SRBD1: variants seen among roughly 807,000 people sequenced by gnomAD.
SRBD1 encodes S1 RNA-binding domain-containing protein 1.
A neutral mutation model predicts 115.3 loss-of-function variants in SRBD1; 88 were observed. The observed-to-expected ratio is 0.76, with a 90% CI of 0.64 to 0.91. SRBD1 has a LOEUF of 0.91. Among genes scored for constraint, SRBD1 ranks in the 40% least tolerant of loss-of-function variants. The pLI, the probability that SRBD1 is intolerant of heterozygous loss-of-function variation, is 0.00. For synonymous variants in SRBD1, 509 were observed against 407.7 expected, an observed-to-expected ratio of 1.25 and a Z score of -2.99; for missense variants, 1,385 against 1,177.4, an observed-to-expected ratio of 1.18 and a Z score of -2.58.
intron 16 of SRBD1, among the ~76,000 whole-genome samples, chr2:45,434,287 C>G (rs193219052): frequency 6.6e-6 from 1 of 152,156 alleles, no homozygotes; most frequent in Non-Finnish European, 1.5e-5. Flanking sequence ...TGGACCTTCT[C>G]GGGTATCAAA....
chr2:45,608,233 A>G (rs570338973), intron 1 of SRBD1, among the ~76,000 whole-genome samples: 74 of 152,332 alleles, frequency 4.9e-4, no homozygotes, highest in East Asian at 9.6e-4. Flanking sequence ...GGCACCCCGA[A>G]AGCAATATAC....
At chr2:45,414,986 A>G (rs1348909406) in intron 18 of SRBD1, among the ~76,000 whole-genome samples, 1 of 117,242 alleles carries the variant, frequency 8.5e-6, no homozygotes, top group East Asian at 2.3e-4. Context: ...TAGTATGTAT[A>G]TACACACATA....
intron 14 of SRBD1, among the ~76,000 whole-genome samples, chr2:45,514,440 T>C (rs767204400): frequency 2.2e-4 from 33 of 152,120 alleles, no homozygotes; most frequent in Non-Finnish European, 4.7e-4. Context: ...ATAAAATTTG[T>C]GACAACTTAT....
chr2:45,444,747 T>C (rs560896258), intron 16 of SRBD1, among the ~76,000 whole-genome samples: 172 of 152,338 alleles, frequency 1.1e-3, no homozygotes, highest in African/African-American at 3.9e-3. Flanking sequence ...ACTTCTCAAC[T>C]GCTCAAATAC....
chr2:45,598,600 G>T (rs572426103), intron 4 of SRBD1, among the ~76,000 whole-genome samples: 31 of 148,912 alleles, frequency 2.1e-4, no homozygotes, highest in African/African-American at 7.7e-4. Flanking sequence ...GCAAGACACC[G>T]TCTCAAAAAA....
chr2:45,482,540 G>C (rs1033812115), intron 15 of SRBD1, among the ~76,000 whole-genome samples: 2 of 151,702 alleles, frequency 1.3e-5, no homozygotes, highest in African/African-American at 4.8e-5. Context: ...TTTACGTACA[G>C]TATGGTGAAA....
chr2:45,558,053 A>G (rs908707219), intron 10 of SRBD1, among the ~76,000 whole-genome samples: 1 of 152,214 alleles, frequency 6.6e-6, no homozygotes, highest in Non-Finnish European at 1.5e-5. Flanking sequence ...TCTTTTTTCC[A>G]CATTTAAAGT....
intron 17 of SRBD1, among the ~76,000 whole-genome samples, chr2:45,419,457 T>G (rs1226392137): frequency 1.3e-5 from 2 of 152,220 alleles, no homozygotes; most frequent in African/African-American, 2.4e-5. Flanking sequence ...TGCAAGAGGC[T>G]TAACTAGTGA....
intron 16 of SRBD1, among the ~76,000 whole-genome samples, chr2:45,459,013 G>A (rs977966795): frequency 3.4e-4 from 52 of 152,194 alleles, no homozygotes; most frequent in African/African-American, 1.1e-3. Flanking sequence ...ACAAACAGCT[G>A]TTTCTTATTG....
intron 14 of SRBD1, among the ~76,000 whole-genome samples, chr2:45,507,075 T>C (rs1183472448): frequency 1.3e-5 from 2 of 152,178 alleles, no homozygotes; most frequent in Non-Finnish European, 2.9e-5. Flanking sequence ...AGAATGAGTG[T>C]TGGTAAAAAC....
intron 16 of SRBD1, among the ~76,000 whole-genome samples, chr2:45,453,175 T>C (rs1669046511): frequency 6.6e-6 from 1 of 151,348 alleles, no homozygotes; most frequent in Non-Finnish European, 1.5e-5. Flanking sequence ...TGGTTTGAGT[T>C]AGACTTCCTG....
At chr2:45,436,491 G>C (rs1423842190) in intron 16 of SRBD1, among the ~76,000 whole-genome samples, 2 of 152,144 alleles carry the variant, frequency 1.3e-5, no homozygotes, top group African/African-American at 4.8e-5. Context: ...CCTATGACTG[G>C]GTAATTTATG....
intron 11 of SRBD1, among the ~76,000 whole-genome samples, 186 bp from the exon 12 acceptor site, chr2:45,551,468 A>G (rs1194514351): frequency 6.6e-6 from 1 of 152,224 alleles, no homozygotes; most frequent in Non-Finnish European, 1.5e-5. Context: ...ATGATACCAC[A>G]AGCAATTCTG....
intron 19 of SRBD1, among the ~76,000 whole-genome samples, chr2:45,411,445 C>T (rs145617432): frequency 1.2e-3 from 178 of 152,098 alleles, no homozygotes; most frequent in Middle Eastern, 3.4e-3. Flanking sequence ...TCTCTAAATA[C>T]GATGCTGAAA....
Position 45,553,637 on chromosome 2 carries a change from G to T in SRBD1, c.1503C>A (p.Leu501=). The change falls in exon 11 of 21, where the codon CTC becomes CTA. Residue 501 remains leucine, a synonymous_variant. Transcript: ENST00000263736. ...DSFKRLIYPL[L]CREFRAKLTS... ...AAGATATATACCTGAATTCTCTACA[G>T]AGAAGAGGATAAATAAGGCGTTTAA... is the stretch of plus-strand genomic sequence containing the variant. 6.3e-7 allele frequency: 1 copy of T among 1,593,202 alleles called. No individual in the cohort carries two copies. Among genetic ancestry groups the T allele is most frequent in the South Asian group, 1.1e-5 (1 of 87,192 alleles).
At chr2:45,544,974 A>G (rs1231742657) in intron 14 of SRBD1, among the ~76,000 whole-genome samples, 1 of 152,168 alleles carries the variant, frequency 6.6e-6, no homozygotes, top group Non-Finnish European at 1.5e-5. Flanking sequence ...CTACATAACT[A>G]GTAAATGATT....
chr2:45,603,575 G>C (rs1674167949), intron 2 of SRBD1, among the ~76,000 whole-genome samples: 1 of 152,070 alleles, frequency 6.6e-6, no homozygotes, highest in African/African-American at 2.4e-5. Context: ...TGTCACACAG[G>C]CTGGAGTGCA....
At chr2:45,605,283 T>A in intron 2 of SRBD1, 79 bp downstream of exon 2, 2 of 1,404,044 alleles carry the variant, frequency 1.4e-6, no homozygotes, top group South Asian at 2.5e-5. Flanking sequence ...ACTTAAGGAG[T>A]TAGAAAGTGA....
In SRBD1 at chr2:45,564,012, A is replaced by ATC. The variant is rs370491210; in HGVS notation, c.1306-1258_1306-1257dup. 8.3e-4 allele frequency among the ~76,000 whole-genome samples: 126 copies of ATC among 152,316 alleles called. 1 individual carries two copies. The highest frequency in any genetic ancestry group is 2.9e-3 in the African/African-American group (122 of 41,584). On this transcript the variant is annotated intron_variant, in intron 9 of 20. Coordinates refer to ENST00000263736, the MANE Select transcript of SRBD1 (RefSeq NM_018079.5). ...CTTCACAAGAAAACTACAAACCAAT[A>ATC]TCTCTTATGAATATAGATGTAAAAA...
Sources: allele counts gnomAD v4.1 joint callset (sites outside exome capture counted in the v4.1 genomes callset), GRCh38; gene constraint gnomAD v4.1.1; transcripts MANE v1.5; gene names NCBI Gene and HGNC (gene_info 2026-07-23, HGNC 2026-07-21).